Variants in DHX36 observed in about 807,000 individuals in gnomAD.
DHX36 encodes DEAH-box helicase 36.
In DHX36, 50 loss-of-function variants were observed where a neutral mutation model predicts 139.0. The observed-to-expected ratio is 0.36, with a 90% CI of 0.29 to 0.46. The LOEUF (loss-of-function observed/expected upper bound fraction) is 0.46, where lower values mean the gene tolerates loss of function less well. Ranked by LOEUF, DHX36 falls within the 20% of genes least tolerant of loss-of-function variation. The pLI is 1.00. For synonymous variants in DHX36, 425 were observed against 401.9 expected (o/e 1.06, Z -0.69); for missense variants, 1,024 against 1,211.3 (o/e 0.85, Z 2.29).
chr3:154,303,009 G>A lies in DHX36; in HGVS notation c.1217+320C>T, dbSNP rs570720943. Among the ~76,000 whole-genome samples, 9 of 152,268 alleles carry A rather than the reference G, an allele frequency of 5.9e-5. No individual in the cohort carries two copies. The South Asian group carries it at 1.2e-3, about 21-fold the overall frequency. ...GGAGAATCACTTCAACCTGGAAGGC[G>A]GAGGTTGCCGTGAGCGGAGATAGCT... On this transcript the variant is annotated intron_variant, in intron 9 of 24. Transcript: ENST00000496811.
Position 154,280,768 on chromosome 3 carries a change from T to C in DHX36, c.2471A>G (p.Asn824Ser). The C allele has an allele frequency of 8.7e-6, 14 of 1,613,200 alleles. No homozygotes were observed. The highest frequency in any genetic ancestry group is 1.1e-5 in the Non-Finnish European group (13 of 1,179,428). The change falls in exon 21 of 25, where the codon AAT (asparagine) becomes AGT (serine). Residue 824 changes from asparagine to serine, a missense_variant. By Grantham distance (46) the Asn-to-Ser change is conservative. This residue lies in a region of DHX36 where 470 missense variants were observed against 616.2 expected (regional missense o/e 0.76). Transcript: ENST00000496811. ...CACTGTGTTTCCTGCTGTACCTGAA[T>C]TTATATTAGATTCTGGATCTTTAGG... is the stretch of plus-strand genomic sequence containing the variant. ...RNPKDPESNI[N>S]SDNEKIIKAV...
intron 1 of DHX36, 54 bp downstream of exon 1, chr3:154,324,120 G>C (rs1471406845): frequency 6.6e-7 from 1 of 1,521,634 alleles, no homozygotes; most frequent in Non-Finnish European, 8.9e-7. Flanking sequence ...GGCAGCGGGA[G>C]AGAGAAGAAA....
chr3:154,277,874 C>A, intron 22 of DHX36, 156 bp from the exon 23 acceptor site: 1 of 579,792 alleles, frequency 1.7e-6, no homozygotes, highest in Non-Finnish European at 2.7e-6. Flanking sequence ...TTTATTTTTG[C>A]AAAAAAATAT....
At chr3:154,312,608 C>T (rs900626802) in intron 3 of DHX36, among the ~76,000 whole-genome samples, 6 of 151,086 alleles carry the variant, frequency 4.0e-5, no homozygotes, top group South Asian at 2.1e-4. Flanking sequence ...TTTGGGAAGC[C>T]GAGGCAGGCA....
intron 15 of DHX36, among the ~76,000 whole-genome samples, chr3:154,291,794 C>T (rs985983933): frequency 2.3e-4 from 35 of 152,196 alleles, no homozygotes; most frequent in Admixed American, 7.2e-4. Flanking sequence ...AAACCCTCTT[C>T]TGAAAATCCA....
At position 154,293,760 on chromosome 3, in the gene DHX36, A is replaced by C; in HGVS notation, c.1658T>G (p.Ile553Ser). ...AAACTATTTTTACCTAGTCTCCGCA[A>C]TGTTGGTAGCAATTACTATTTTCCG... ...GVRKIVIATN[I>S]AETSITIDDV... Residue 553 changes from isoleucine (I) to serine (S), a missense_variant, in exon 14 of 25, where the codon ATT becomes AGT. By Grantham distance (142) the Ile-to-Ser change is moderately radical. This residue lies in a region of DHX36 where 470 missense variants were observed against 616.2 expected (regional missense o/e 0.76). Transcript: ENST00000496811. 6.2e-7 allele frequency: 1 copy of C among 1,612,832 alleles called. No homozygotes were observed. Among genetic ancestry groups the C allele is most frequent in the Non-Finnish European group, 8.5e-7 (1 of 1,179,090 alleles).
In DHX36 at chr3:154,313,984, T is replaced by C. The variant is rs572726146; in HGVS notation, c.603+1062A>G. Among the ~76,000 whole-genome samples the C allele has an allele frequency of 3.9e-5, 6 of 152,274 alleles. No homozygotes were observed. In the South Asian group the frequency reaches 6.2e-4, roughly 16 times the overall value. On this transcript the variant is annotated intron_variant, in intron 3 of 24. Transcript: ENST00000496811. ...AGCATTTATGACAACATATGGGAAA[T>C]AGGAAGACCACCAACTTTTTAAATG... is the stretch of plus-strand genomic sequence containing the variant.
At chr3:154,278,474 G>T (rs373504985) in intron 22 of DHX36, 2 of 150,224 alleles carry the variant, frequency 1.3e-5, no homozygotes, top group East Asian at 3.9e-4. Flanking sequence ...TGTCTCTTTC[G>T]AAGTTTTTTT....
chr3:154,283,518 TTATG>T (rs1005051227), intron 19 of DHX36, among the ~76,000 whole-genome samples: 9 of 152,144 alleles, frequency 5.9e-5, no homozygotes, highest in Non-Finnish European at 8.8e-5. Flanking sequence ...AATATATTAA[TTATG>T]TATTTTACAC....
At chr3:154,289,116 T>C in intron 16 of DHX36, 152 bp from the exon 17 acceptor site, 1 of 411,710 alleles carries the variant, frequency 2.4e-6, no homozygotes, top group Non-Finnish European at 4.4e-6. Context: ...ATATTTGTAT[T>C]TCTATAAAAA....
chr3:154,310,243 A>C (rs1712678065), intron 4 of DHX36, among the ~76,000 whole-genome samples: 1 of 152,196 alleles, frequency 6.6e-6, no homozygotes, highest in South Asian at 2.1e-4. Flanking sequence ...TTTAGGAGCA[A>C]GGAAGAGAAT....
At chr3:154,287,056 T>C (rs1711570846) in intron 17 of DHX36, among the ~76,000 whole-genome samples, 1 of 152,070 alleles carries the variant, frequency 6.6e-6, no homozygotes, top group South Asian at 2.1e-4. Flanking sequence ...AGGAGAGAAA[T>C]ACAGGCCAAC....
intron 19 of DHX36, among the ~76,000 whole-genome samples, chr3:154,283,563 T>C: frequency 6.6e-6 from 1 of 152,056 alleles, no homozygotes. Context: ...CATAATACAC[T>C]AATCAAAAAG....
chr3:154,314,752 A>G (rs1174287040), intron 3 of DHX36: 1 of 246,834 alleles, frequency 4.1e-6, no homozygotes, highest in Non-Finnish European at 7.7e-6. Flanking sequence ...ATGGCACCTC[A>G]CTAAACTGGC....
chr3:154,280,798 C>T lies in DHX36; in HGVS notation c.2441G>A (p.Arg814Lys), dbSNP rs1719311122. 6.2e-7 allele frequency: 1 copy of T among 1,613,582 alleles called. No individual in the cohort carries two copies. ...HLLGAGFVSS[R>K]NPKDPESNIN... ...ATTAGATTCTGGATCTTTAGGATTT[C>T]TACTGCTTACAAATCCAGCTCCAAG... is the stretch of plus-strand genomic sequence containing the variant. The change falls in exon 21 of 25, where the codon AGA becomes AAA. Residue 814 changes from arginine to lysine, a missense_variant. Physicochemically the swap from Arg to Lys is conservative, Grantham distance 26. Coordinates refer to ENST00000496811, the MANE Select transcript of DHX36 (RefSeq NM_020865.3).
intron 15 of DHX36, among the ~76,000 whole-genome samples, chr3:154,291,343 T>G (rs1472422481): frequency 1.3e-5 from 2 of 152,206 alleles, no homozygotes; most frequent in African/African-American, 4.8e-5. Flanking sequence ...TTTAGCTCTA[T>G]TATTGTTTCA....
intron 1 of DHX36, chr3:154,319,259 G>A (rs1021168996): frequency 1.3e-5 from 2 of 151,534 alleles, no homozygotes; most frequent in Admixed American, 1.3e-4. Flanking sequence ...CACTTTCTTG[G>A]ACATTCTCAA....
chr3:154,307,710 T>C (rs1320317802), intron 5 of DHX36, among the ~76,000 whole-genome samples: 3 of 152,042 alleles, frequency 2.0e-5, no homozygotes, highest in Non-Finnish European at 4.4e-5. Context: ...AGTATGGAGA[T>C]TGCTCAAAGA....
chr3:154,293,725 T>C lies in DHX36; in HGVS notation c.1670+23A>G. On this transcript the variant is annotated intron_variant, in intron 14 of 24. Transcript: ENST00000496811. ...TTAAAACTTATGTAATCATCAGTATTTGATATTTAAAACTATTTTTACCTA... is the reference window on the plus strand; with the variant it reads ...TTAAAACTTATGTAATCATCAGTATCTGATATTTAAAACTATTTTTACCTA... 6 of 1,573,386 alleles carry C rather than the reference T, an allele frequency of 3.8e-6. No homozygotes were observed. The East Asian group carries it at 1.3e-4, about 35-fold the overall frequency.
Sources: allele counts gnomAD v4.1 joint callset (sites outside exome capture counted in the v4.1 genomes callset), GRCh38; gene constraint gnomAD v4.1.1; regional missense constraint gnomAD v4.1.1; transcripts MANE v1.5; gene names NCBI Gene and HGNC (gene_info 2026-07-23, HGNC 2026-07-21).